Variants in ZNF800 observed in about 807,000 individuals in gnomAD.
The protein encoded by ZNF800 is zinc finger protein 800.
A neutral mutation model predicts 59.5 loss-of-function variants in ZNF800; 13 were observed. That is an observed-to-expected ratio of 0.22 (90% CI 0.14 to 0.35). The LOEUF (loss-of-function observed/expected upper bound fraction) is 0.35. Ranked by LOEUF, ZNF800 falls within the 10% of genes least tolerant of loss-of-function variation. The pLI is 1.00. For synonymous variants in ZNF800, 266 were observed against 265.7 expected (o/e 1.00, Z -0.01); for missense variants, 621 against 783.7 (o/e 0.79, Z 2.48).
At chr7:127,365,044 G>T (rs1052077891), downstream of ZNF800, among the ~76,000 whole-genome samples, 1 of 152,058 alleles carries the variant, frequency 6.6e-6, no homozygotes, top group Non-Finnish European at 1.5e-5. Flanking sequence ...GAAGTGGAAG[G>T]CAAGCTGCAT....
intron 3 of ZNF800, among the ~76,000 whole-genome samples, chr7:127,384,697 C>T (rs1249701097): frequency 6.6e-6 from 1 of 152,030 alleles, no homozygotes; most frequent in African/African-American, 2.4e-5. Flanking sequence ...ACCAAAAAAA[C>T]CCTTTAATCT....
intron 3 of ZNF800, among the ~76,000 whole-genome samples, chr7:127,384,322 C>A (rs1003110286): frequency 6.8e-6 from 1 of 147,544 alleles, no homozygotes; most frequent in Admixed American, 6.9e-5. Flanking sequence ...CAAGCTCCCC[C>A]TCCCGGGTTC....
At chr7:127,357,943 TGAAAA>T (rs1404323400) in intron 1 of ZNF800, among the ~76,000 whole-genome samples, 1 of 151,912 alleles carries the variant, frequency 6.6e-6, no homozygotes, top group Non-Finnish European at 1.5e-5. Flanking sequence ...ACATAATAAA[TGAAAA>T]GAATCCATGT....
chr7:127,363,984 T>A (rs1587429449), intron 1 of ZNF800: 1 of 152,218 alleles, frequency 6.6e-6, no homozygotes, highest in Non-Finnish European at 1.5e-5. Context: ...AAAGAACTTA[T>A]TTGAAGTTTG....
At chr7:127,386,403 C>T (rs1452599629) in intron 2 of ZNF800, among the ~76,000 whole-genome samples, 1 of 152,124 alleles carries the variant, frequency 6.6e-6, no homozygotes, top group Non-Finnish European at 1.5e-5. Flanking sequence ...CTACTTAAGG[C>T]TAGATATTAG....
chr7:127,362,225 T>C (rs1800408124), intron 1 of ZNF800: 2 of 152,156 alleles, frequency 1.3e-5, no homozygotes, highest in Admixed American at 6.5e-5. Context: ...TTGGAATTTC[T>C]TCAGAAATAC....
intron 3 of ZNF800, among the ~76,000 whole-genome samples, chr7:127,380,283 C>A (rs1019788231): frequency 2.0e-5 from 3 of 152,026 alleles, no homozygotes; most frequent in African/African-American, 7.3e-5. Flanking sequence ...TCACCGCTAC[C>A]CCAGCTCTCA....
At chr7:127,381,308 G>A (rs982090733) in intron 3 of ZNF800, among the ~76,000 whole-genome samples, 9 of 152,088 alleles carry the variant, frequency 5.9e-5, no homozygotes, top group Non-Finnish European at 1.3e-4. Flanking sequence ...GTAAATAAAT[G>A]TACGTTCCTC....
intron 1 of ZNF800, among the ~76,000 whole-genome samples, chr7:127,359,408 C>T (rs1198472517): frequency 6.6e-6 from 1 of 152,088 alleles, no homozygotes; most frequent in African/African-American, 2.4e-5. Context: ...AACACTATTT[C>T]CACCTCTGTA....
downstream of ZNF800, among the ~76,000 whole-genome samples, chr7:127,344,037 A>C (rs963883391): frequency 6.6e-6 from 1 of 152,048 alleles, no homozygotes; most frequent in Non-Finnish European, 1.5e-5. Context: ...ATTTAATGGC[A>C]TACCTAACAA....
intron 3 of ZNF800, among the ~76,000 whole-genome samples, chr7:127,382,895 T>C (rs773840690): frequency 2.0e-4 from 31 of 152,206 alleles, no homozygotes; most frequent in East Asian, 3.8e-4. Context: ...CAGAATAGTA[T>C]AGAAACTTAT....
intron 1 of ZNF800, chr7:127,361,310 G>C (rs1800388038): frequency 6.6e-6 from 1 of 152,176 alleles, no homozygotes; most frequent in Non-Finnish European, 1.5e-5. Flanking sequence ...AGGTGTGGTG[G>C]TGCATGCCTG....
Position 127,370,141 on chromosome 7 carries a change from T to C in ZNF800, c.*1673A>G, listed in dbSNP as rs796320492. The C allele has an allele frequency of 5.3e-5, 8 of 152,254 alleles. No individual in the cohort carries two copies. The highest frequency in any genetic ancestry group is 1.9e-4 in the African/African-American group (8 of 41,568). The allele number at this position is 152,254 out of a possible 1,614,324, so 9.4% of individuals were successfully genotyped here. A position where few individuals can be genotyped will look rare whatever the true frequency, so the allele number is the denominator to read the frequency against. On this transcript the variant is annotated 3_prime_UTR_variant, in exon 6 of 6. Coordinates refer to ENST00000265827, the MANE Select transcript of ZNF800 (RefSeq NM_176814.5). ...TTAGTTCCCTAAATATATTATACTATTAGTTATTAAAGTTAGATCTATAAG... is the reference window on the plus strand; with the variant it reads ...TTAGTTCCCTAAATATATTATACTACTAGTTATTAAAGTTAGATCTATAAG...
chr7:127,391,737 C>T, intron 1 of ZNF800, 122 bp from the exon 2 acceptor site: 1 of 632,218 alleles, frequency 1.6e-6, no homozygotes, highest in South Asian at 1.8e-5. Flanking sequence ...GCACCTCCCT[C>T]TCGAAAAGAA....
intron 1 of ZNF800, among the ~76,000 whole-genome samples, chr7:127,349,275 A>G (rs2117012399): frequency 6.6e-6 from 1 of 152,362 alleles, no homozygotes; most frequent in Non-Finnish European, 1.5e-5. Flanking sequence ...TCTAAGCTTA[A>G]CATCCTGGTC....
At position 127,382,579 on chromosome 7, in the gene ZNF800, C is replaced by T. The variant is rs536790247; in HGVS notation, c.157+3481G>A. Among the ~76,000 whole-genome samples, 16 of 152,140 alleles carry T rather than the reference C, an allele frequency of 1.1e-4. No individual in the cohort carries two copies. In the South Asian group the frequency reaches 2.3e-3, roughly 22 times the overall value. ...GGCACAGTCAAGGTAGTAGAAGAAA[C>T]CAGGGGTTCAGAGCAAACAGCAGGT... On this transcript the variant is annotated intron_variant, in intron 3 of 5. Transcript: ENST00000265827.
At chr7:127,345,295 A>ACCC (rs34510825), downstream of ZNF800, among the ~76,000 whole-genome samples, 2 of 140,312 alleles carry the variant, frequency 1.4e-5, no homozygotes, top group South Asian at 2.3e-4. Flanking sequence ...TGGGAAATAG[A>ACCC]CCCCCCCCCC....
At chr7:127,347,289 ACTC>A (rs1800083418) in exon 2 of ZNF800, 1 of 150,406 alleles carries the variant, frequency 6.6e-6, no homozygotes, top group African/African-American at 2.5e-5. Context: ...GCATAACACA[ACTC>A]CAAGTTGTGT....
At chr7:127,391,469 A>G in intron 2 of ZNF800, 28 bp downstream of exon 2, 1 of 1,612,428 alleles carries the variant, frequency 6.2e-7, no homozygotes, top group Non-Finnish European at 8.5e-7. Flanking sequence ...ATGGAGGGCA[A>G]AGCAACTGCG....
Sources: gnomAD v4.1 joint callset for allele counts (sites outside exome capture counted in the v4.1 genomes callset) on GRCh38, gnomAD v4.1.1 for gene constraint, MANE v1.5 for transcripts, NCBI Gene and HGNC (gene_info 2026-07-23, HGNC 2026-07-21) for gene names.